CNTN5: variants seen among roughly 807,000 people sequenced by gnomAD.
The protein encoded by CNTN5 is contactin 5, also known as contactin-5.
CNTN5 carries 77 observed loss-of-function variants against 129.1 expected under a neutral mutation model. The ratio of observed to expected loss-of-function variants is 0.60; its 90% CI spans 0.50 to 0.72. The LOEUF (loss-of-function observed/expected upper bound fraction) is 0.72, where lower values mean the gene tolerates loss of function less well. CNTN5 is among the 30% of genes least tolerant of loss of function. The pLI is 0.00. For synonymous variants in CNTN5, 509 were observed against 465.6 expected (o/e 1.09, Z -1.20); for missense variants, 1,478 against 1,328.8 (o/e 1.11, Z -1.75).
At chr11:99,724,980 T>C (rs926375193) in intron 3 of CNTN5, among the ~76,000 whole-genome samples, 3 of 152,210 alleles carry the variant, frequency 2.0e-5, no homozygotes, top group Non-Finnish European at 4.4e-5. Flanking sequence ...ATGCTAAGTT[T>C]TCTAAACTTT....
At chr11:99,545,447 A>C (rs554081351) in intron 2 of CNTN5, among the ~76,000 whole-genome samples, 1 of 152,326 alleles carries the variant, frequency 6.6e-6, no homozygotes, top group African/African-American at 2.4e-5. Flanking sequence ...ACTCTTACTT[A>C]ACTGCCTTCC....
chr11:99,786,166 A>C (rs1237408630), intron 3 of CNTN5, among the ~76,000 whole-genome samples: 1 of 152,182 alleles, frequency 6.6e-6, no homozygotes, highest in African/African-American at 2.4e-5. Context: ...GTCTCACGAT[A>C]CAAAATCAAT....
At chr11:99,726,823 C>CT (rs930357207) in intron 3 of CNTN5, among the ~76,000 whole-genome samples, 2 of 152,154 alleles carry the variant, frequency 1.3e-5, no homozygotes, top group Non-Finnish European at 2.9e-5. Flanking sequence ...TCCGCCCCAT[C>CT]TTTAAGTATA....
At chr11:99,796,237 A>T (rs777340353) in intron 3 of CNTN5, among the ~76,000 whole-genome samples, 3 of 152,014 alleles carry the variant, frequency 2.0e-5, no homozygotes, top group African/African-American at 4.8e-5. Context: ...GTCTGCTGGA[A>T]TCTCTGGGCA....
chr11:100,166,001 T>C (rs1490128939), intron 13 of CNTN5, among the ~76,000 whole-genome samples: 1 of 151,734 alleles, frequency 6.6e-6, no homozygotes, highest in Non-Finnish European at 1.5e-5. Flanking sequence ...CTCTGTCTCA[T>C]AAAAGAGTAG....
intron 4 of CNTN5, among the ~76,000 whole-genome samples, chr11:99,829,910 C>CTA (rs908965640): frequency 6.6e-6 from 1 of 152,258 alleles, no homozygotes; most frequent in Admixed American, 6.5e-5. Flanking sequence ...AGAGCTGACA[C>CTA]TATACCTGTT....
intron 7 of CNTN5, among the ~76,000 whole-genome samples, chr11:99,922,173 C>T (rs758502727): frequency 1.1e-4 from 17 of 152,270 alleles, no homozygotes; most frequent in Middle Eastern, 3.4e-3. Context: ...GTGCGTCTTA[C>T]GTGGTGGCAG....
At chr11:100,099,849 T>C (rs1945159674) in intron 13 of CNTN5, among the ~76,000 whole-genome samples, 1 of 152,072 alleles carries the variant, frequency 6.6e-6, no homozygotes, top group Non-Finnish European at 1.5e-5. Context: ...TACAGTGTGT[T>C]TTCACCTTAC....
intron 1 of CNTN5, among the ~76,000 whole-genome samples, chr11:99,121,403 G>T (rs1159922960): frequency 6.6e-6 from 1 of 152,108 alleles, no homozygotes; most frequent in Non-Finnish European, 1.5e-5. Flanking sequence ...AAAGTGCTGG[G>T]CTTACAGGCA....
intron 1 of CNTN5, among the ~76,000 whole-genome samples, chr11:99,324,336 C>T (rs778401451): frequency 5.3e-5 from 8 of 152,046 alleles, no homozygotes; most frequent in Non-Finnish European, 8.8e-5. Context: ...ACTTATATTC[C>T]TTACCTTGAT....
chr11:99,258,995 C>A (rs1411191952), intron 1 of CNTN5, among the ~76,000 whole-genome samples: 2 of 151,158 alleles, frequency 1.3e-5, no homozygotes, highest in Admixed American at 6.6e-5. Context: ...GAGTAATAGG[C>A]CAATAAGAAA....
intron 6 of CNTN5, among the ~76,000 whole-genome samples, chr11:99,852,472 C>T (rs970360961): frequency 3.3e-5 from 5 of 152,170 alleles, no homozygotes; most frequent in Non-Finnish European, 7.3e-5. Flanking sequence ...CCAAGATACC[C>T]AGCCTAATTT....
chr11:99,996,659 A>G (rs1044102582), intron 8 of CNTN5, among the ~76,000 whole-genome samples: 2 of 152,130 alleles, frequency 1.3e-5, no homozygotes, highest in Admixed American at 6.5e-5. Flanking sequence ...ACTGATAAAG[A>G]ATACTTGAGA....
At chr11:99,458,803 T>A (rs1944585370) in intron 2 of CNTN5, among the ~76,000 whole-genome samples, 1 of 151,986 alleles carries the variant, frequency 6.6e-6, no homozygotes, top group Non-Finnish European at 1.5e-5. Context: ...GCAAATAAAG[T>A]TTGAATTAGG....
chr11:99,463,100 T>G (rs957514869), intron 2 of CNTN5, among the ~76,000 whole-genome samples: 2 of 137,086 alleles, frequency 1.5e-5, no homozygotes, highest in Non-Finnish European at 3.2e-5. Context: ...AGAGCAAGAC[T>G]CCATCTCAAA....
chr11:99,720,290 G>A (rs1474710350), intron 3 of CNTN5, among the ~76,000 whole-genome samples: 1 of 152,026 alleles, frequency 6.6e-6, no homozygotes, highest in Non-Finnish European at 1.5e-5. Context: ...CAAAATACTT[G>A]CAAACCAAAT....
At chr11:99,672,085 C>G (rs934739695) in intron 3 of CNTN5, among the ~76,000 whole-genome samples, 8 of 152,078 alleles carry the variant, frequency 5.3e-5, no homozygotes, top group African/African-American at 1.7e-4. Flanking sequence ...TCACTTTTTT[C>G]TTATCTAACA....
intron 16 of CNTN5, among the ~76,000 whole-genome samples, chr11:100,242,740 A>G (rs552668529): frequency 6.6e-6 from 1 of 152,320 alleles, no homozygotes; most frequent in African/African-American, 2.4e-5. Context: ...AGGGATTACA[A>G]TTTGACATGA....
intron 3 of CNTN5, among the ~76,000 whole-genome samples, chr11:99,764,287 C>T (rs1944681806): frequency 6.6e-6 from 1 of 151,780 alleles, no homozygotes; most frequent in African/African-American, 2.4e-5. Context: ...TGAGGTGCTC[C>T]TGGAAGGCTA....
Sources: allele counts gnomAD v4.1 joint callset (sites outside exome capture counted in the v4.1 genomes callset), GRCh38; gene constraint gnomAD v4.1.1; transcripts MANE v1.5; gene names NCBI Gene and HGNC (gene_info 2026-07-23, HGNC 2026-07-21).